The following CEP112 variants were observed in gnomAD, a reference collection of about 807,000 sequenced individuals.
The protein encoded by CEP112 is centrosomal protein 112, also known as centrosomal protein of 112 kDa.
In CEP112, 127 loss-of-function variants were observed where a neutral mutation model predicts 153.0. That is an observed-to-expected ratio of 0.83 (90% confidence interval 0.72 to 0.96). CEP112 has a LOEUF of 0.96. Among genes scored for constraint, CEP112 ranks in the 40% least tolerant of loss-of-function variants. The pLI is 0.00. For missense variants in CEP112, 1,089 were observed against 1,101.2 expected, an observed-to-expected ratio of 0.99 and a Z score of 0.16; for synonymous variants, 358 against 374.4, an observed-to-expected ratio of 0.96 and a Z score of 0.51.
intron 23 of CEP112, among the ~76,000 whole-genome samples, chr17:65,709,897 C>A (rs1311988499): frequency 6.6e-6 from 1 of 152,216 alleles, no homozygotes; most frequent in Non-Finnish European, 1.5e-5. Context: ...ACAAACCTGA[C>A]TGAGATCCTC....
chr17:65,793,050 G>C (rs1247676936), intron 21 of CEP112, among the ~76,000 whole-genome samples: 2 of 152,058 alleles, frequency 1.3e-5, no homozygotes, highest in Non-Finnish European at 2.9e-5. Flanking sequence ...CTGCACTGGT[G>C]GGGGGCGAGG....
At chr17:65,970,554 G>C (rs1359654176) in intron 17 of CEP112, among the ~76,000 whole-genome samples, 1 of 151,914 alleles carries the variant, frequency 6.6e-6, no homozygotes, top group Non-Finnish European at 1.5e-5. Flanking sequence ...TTACATGAAA[G>C]TTACCTACAT....
intron 18 of CEP112, among the ~76,000 whole-genome samples, chr17:65,946,886 A>G (rs906899580): frequency 3.9e-5 from 6 of 152,160 alleles, no homozygotes; most frequent in Non-Finnish European, 5.9e-5. Flanking sequence ...TTCTAGTTTC[A>G]GAACAGAGAC....
intron 24 of CEP112, among the ~76,000 whole-genome samples, chr17:65,680,387 C>A (rs1035277771): frequency 6.6e-6 from 1 of 152,134 alleles, no homozygotes; most frequent in Non-Finnish European, 1.5e-5. Flanking sequence ...TGATCAGTAC[C>A]CAAGTTCAGC....
intron 17 of CEP112, among the ~76,000 whole-genome samples, chr17:65,987,076 C>T (rs935140): frequency 0.52 from 78,918 of 151,922 alleles, 21,490 homozygotes; most frequent in African/African-American, 0.6. Context: ...GAACAACATC[C>T]TATAAACACA....
chr17:65,852,462 T>TTTCC (rs1179111106), intron 20 of CEP112, among the ~76,000 whole-genome samples: 1 of 47,218 alleles, frequency 2.1e-5, no homozygotes, highest in Non-Finnish European at 4.1e-5. Context: ...CCTCCCTCCC[T>TTTCC]TTCCTTCCTT....
chr17:65,656,426 T>C lies in CEP112; in HGVS notation c.2698-15361A>G, dbSNP rs1165802908. ...CACTTGCAACCCAAACGGTCTGAAT[T>C]GAAACAACATAGAATATGCAAAATA... On this transcript the variant is annotated intron_variant, in intron 24 of 26. Coordinates refer to ENST00000535342, the MANE Select transcript of CEP112 (RefSeq NM_001199165.4). Among the ~76,000 whole-genome samples, 3 of 152,240 alleles carry C rather than the reference T, an allele frequency of 2.0e-5. 1 individual carries two copies. The highest frequency in any genetic ancestry group is 4.4e-5 in the Non-Finnish European group (3 of 68,032).
At chr17:66,046,770 G>A (rs996794858) in intron 12 of CEP112, among the ~76,000 whole-genome samples, 1 of 150,198 alleles carries the variant, frequency 6.7e-6, no homozygotes, top group Admixed American at 6.7e-5. Context: ...AGAAGGCCAT[G>A]TGAAGACATC....
chr17:65,679,134 T>TTTTTTTTTTTTTTG, intron 24 of CEP112, among the ~76,000 whole-genome samples: 2 of 70,726 alleles, frequency 2.8e-5, no homozygotes, highest in Admixed American at 1.3e-4. Context: ...TCAAGCTTTT[T>TTTTTTTTTTTTTTG]TTTTTTTTTT....
At chr17:66,153,169 C>T (rs1483808897) in intron 4 of CEP112, among the ~76,000 whole-genome samples, 1 of 152,120 alleles carries the variant, frequency 6.6e-6, no homozygotes, top group Admixed American at 6.6e-5. Flanking sequence ...ATTTACCACA[C>T]AACCCACTCT....
At chr17:65,826,275 G>T in intron 21 of CEP112, 5 of 1,613,944 alleles carry the variant, frequency 3.1e-6, no homozygotes, top group Non-Finnish European at 4.2e-6. Context: ...GCAGATGGAT[G>T]GTCTAAACTC....
chr17:65,836,169 G>C (rs558269021), intron 21 of CEP112, among the ~76,000 whole-genome samples: 1 of 152,140 alleles, frequency 6.6e-6, no homozygotes, highest in African/African-American at 2.4e-5. Context: ...GCATAGAATC[G>C]AAACATACTA....
At chr17:65,837,057 G>A (rs1200316169) in intron 21 of CEP112, among the ~76,000 whole-genome samples, 2 of 152,252 alleles carry the variant, frequency 1.3e-5, no homozygotes, top group South Asian at 4.1e-4. Context: ...TGCCAGCCTC[G>A]GCCTCCCAAG....
chr17:65,683,945 G>A (rs538858533), intron 24 of CEP112, among the ~76,000 whole-genome samples: 70 of 152,280 alleles, frequency 4.6e-4, no homozygotes, highest in Admixed American at 2.5e-3. Flanking sequence ...GAAGGCTGAG[G>A]CAGGTGAATC....
intron 21 of CEP112, among the ~76,000 whole-genome samples, chr17:65,846,921 C>T (rs2057747852): frequency 6.6e-6 from 1 of 152,184 alleles, no homozygotes; most frequent in Admixed American, 6.5e-5. Context: ...ATATTTCCTG[C>T]TTTCAGGGAA....
intron 21 of CEP112, chr17:65,826,201 T>G (rs750528224): frequency 6.2e-7 from 1 of 1,614,242 alleles, no homozygotes; most frequent in South Asian, 1.1e-5. Context: ...CTGCCTGCTC[T>G]GTCTTGGGGA....
intron 12 of CEP112, among the ~76,000 whole-genome samples, chr17:66,043,743 G>A (rs2066083781): frequency 1.3e-5 from 2 of 152,030 alleles, no homozygotes; most frequent in African/African-American, 4.8e-5. Flanking sequence ...TTCACTATGA[G>A]TTTCTCATAA....
At chr17:65,902,440 T>C in intron 19 of CEP112, 106 bp from the exon 20 acceptor site, 1 of 835,302 alleles carries the variant, frequency 1.2e-6, no homozygotes, top group Non-Finnish European at 1.7e-6. Flanking sequence ...TGAAAATTTT[T>C]ATTTTTACAT....
At chr17:65,722,777 TAGA>T (rs1468469972) in intron 23 of CEP112, among the ~76,000 whole-genome samples, 6 of 152,214 alleles carry the variant, frequency 3.9e-5, no homozygotes, top group Non-Finnish European at 7.3e-5. Flanking sequence ...AACTGCCATT[TAGA>T]AGAAAAGAAG....
Sources: gnomAD v4.1 joint callset for allele counts (sites outside exome capture counted in the v4.1 genomes callset) on GRCh38, gnomAD v4.1.1 for gene constraint, MANE v1.5 for transcripts, NCBI Gene and HGNC (gene_info 2026-07-23, HGNC 2026-07-21) for gene names.